The following ABCB1 variants were observed in gnomAD, a reference collection of about 807,000 sequenced individuals.
ABCB1 encodes ATP binding cassette subfamily B member 1.
A neutral mutation model predicts 142.0 loss-of-function variants in ABCB1; 69 were observed. The ratio of observed to expected loss-of-function variants is 0.49; its 90% confidence interval spans 0.40 to 0.59. The LOEUF (loss-of-function observed/expected upper bound fraction) is 0.59. ABCB1 is among the 20% of genes least tolerant of loss of function. The probability of loss-of-function intolerance (pLI) is 0.00; values close to 1 mark genes in which losing one functional copy is unlikely to be tolerated. For missense variants in ABCB1, 1,326 were observed against 1,554.7 expected (o/e 0.85, Z 2.47); for synonymous variants, 532 against 539.2 (o/e 0.99, Z 0.18).
chr7:87,628,866 G>C (rs545028126), intron 1 of ABCB1: 2 of 1,281,264 alleles, frequency 1.6e-6, no homozygotes, highest in South Asian at 3.7e-5. Context: ...GATCCGCGGC[G>C]GTGGCGGCGG....
intron 3 of ABCB1, among the ~76,000 whole-genome samples, chr7:87,594,109 A>T (rs1201173320): frequency 1.3e-5 from 2 of 152,168 alleles, no homozygotes; most frequent in Non-Finnish European, 2.9e-5. Context: ...AGTTACATTC[A>T]ATGTTTTCTA....
intron 1 of ABCB1, among the ~76,000 whole-genome samples, chr7:87,635,380 G>A (rs980826627): frequency 6.6e-6 from 1 of 152,108 alleles, no homozygotes; most frequent in Non-Finnish European, 1.5e-5. Context: ...CTTCTTTTTT[G>A]TGAAGACTTC....
chr7:87,665,319 TAAG>T (rs1164548326), intron 1 of ABCB1, among the ~76,000 whole-genome samples: 1 of 151,974 alleles, frequency 6.6e-6, no homozygotes, highest in Non-Finnish European at 1.5e-5. Flanking sequence ...AAATAGAAAT[TAAG>T]AAAACAGTTC....
intron 5 of ABCB1, among the ~76,000 whole-genome samples, chr7:87,567,254 T>C (rs974235488): frequency 6.6e-6 from 1 of 152,226 alleles, no homozygotes; most frequent in Non-Finnish European, 1.5e-5. Context: ...TTTCTAAGCC[T>C]CAGTTTTCTA....
chr7:87,638,345 T>TTGTGTGTGTGTGTGTG (rs71524692), intron 1 of ABCB1, among the ~76,000 whole-genome samples: 333 of 144,772 alleles, frequency 2.3e-3, no homozygotes, highest in East Asian at 7.8e-3. Context: ...AAGTATGTGT[T>TTGTGTGTGTGTGTGTG]TGTGTGTGTG....
intron 1 of ABCB1, chr7:87,629,267 A>G (rs1002262057): frequency 3.8e-6 from 1 of 265,026 alleles, no homozygotes; most frequent in Non-Finnish European, 7.1e-6. Flanking sequence ...GAGCTCTTTC[A>G]TTTAATGCCC....
chr7:87,511,973 G>T (rs1037446707), intron 25 of ABCB1, among the ~76,000 whole-genome samples: 3 of 152,088 alleles, frequency 2.0e-5, no homozygotes, highest in Middle Eastern at 3.2e-3. Flanking sequence ...AGCTTCAAGA[G>T]CCCTCAATTA....
rs181057372 is a variant in ABCB1, at chr7:87,593,408, C to A, written c.117+2358G>T. On this transcript the variant is annotated intron_variant, in intron 3 of 27. Coordinates refer to ENST00000622132, the MANE Select transcript of ABCB1 (RefSeq NM_001348946.2). ...TTTTGAATCTATTCCTTACTTCTTT[C>A]ATCACTTTTTTAAGATTGCTAAAAA... 3.5e-3 allele frequency among the ~76,000 whole-genome samples: 532 copies of A among 152,296 alleles called. 2 individuals carry two copies. Among genetic ancestry groups the A allele is most frequent in the Middle Eastern group, 6.8e-3 (2 of 294 alleles).
chr7:87,601,354 G>C (rs1232790252), upstream of ABCB1, among the ~76,000 whole-genome samples: 2 of 152,126 alleles, frequency 1.3e-5, no homozygotes, highest in Non-Finnish European at 2.9e-5. Context: ...GACAGTTTCT[G>C]AGTTACATCT....
chr7:87,513,581 T>G (rs1297957718), intron 25 of ABCB1, among the ~76,000 whole-genome samples: 1 of 152,204 alleles, frequency 6.6e-6, no homozygotes, highest in Non-Finnish European at 1.5e-5. Context: ...CAGAGAAGTT[T>G]GAGAACCACT....
In ABCB1 at chr7:87,512,354, G is replaced by A. The variant is rs147342007; in HGVS notation, c.3283-2873C>T. 3.2e-3 allele frequency among the ~76,000 whole-genome samples: 494 copies of A among 152,048 alleles called. 1 individual carries two copies. The highest frequency in any genetic ancestry group is 0.011 in the African/African-American group (449 of 41,490). On this transcript the variant is annotated intron_variant, in intron 25 of 27. Transcript: ENST00000622132. ...CAAATTTACCAGTTCAGTGGCTCTC[G>A]AATGATGGTTGGCATCAGAATCACC...
chr7:87,572,206 T>G (rs1178868236), intron 4 of ABCB1, among the ~76,000 whole-genome samples: 1 of 152,170 alleles, frequency 6.6e-6, no homozygotes, highest in Admixed American at 6.5e-5. Flanking sequence ...TATATAGTAT[T>G]AATTGTTGCC....
intron 1 of ABCB1, among the ~76,000 whole-genome samples, chr7:87,711,431 A>T (rs1830075761): frequency 6.6e-6 from 1 of 151,786 alleles, no homozygotes; most frequent in African/African-American, 2.4e-5. Flanking sequence ...TTTTTCTTGG[A>T]TTGTATAAAG....
intron 21 of ABCB1, among the ~76,000 whole-genome samples, chr7:87,526,479 G>A (rs991559793): frequency 5.7e-4 from 87 of 151,522 alleles, no homozygotes; most frequent in African/African-American, 2.1e-3. Flanking sequence ...TCAGGAGTTC[G>A]AGACCAGCCC....
rs948836677 is a variant in ABCB1, at chr7:87,684,677, G to A, written c.-331+28484C>T. On this transcript the variant is annotated intron_variant, in intron 1 of 28. Transcript: ENST00000265724. Reference sequence around the variant, plus strand: ...GCAGGAGGATTGCTTGAACCCAGGAGGCAGAGATTGCAGTGAGTCGAGATC... The same window carrying A: ...GCAGGAGGATTGCTTGAACCCAGGAAGCAGAGATTGCAGTGAGTCGAGATC... 2.1e-5 allele frequency among the ~76,000 whole-genome samples: 3 copies of A among 145,368 alleles called. No individual in the cohort carries two copies. In the Admixed American group the frequency reaches 2.1e-4, roughly 10 times the overall value.
chr7:87,570,058 T>C (rs1563057268), intron 5 of ABCB1, 114 bp downstream of exon 5: 3 of 922,968 alleles, frequency 3.3e-6, no homozygotes, highest in Non-Finnish European at 5.3e-6. Context: ...CTAAAAACTA[T>C]CAAGAGTATT....
chr7:87,514,484 C>T (rs889704842), intron 25 of ABCB1, among the ~76,000 whole-genome samples: 4 of 152,122 alleles, frequency 2.6e-5, no homozygotes, highest in Non-Finnish European at 5.9e-5. Context: ...TTTACATTTC[C>T]CAAATTTGTT....
In ABCB1 at chr7:87,539,359, C is replaced by T; in HGVS notation, c.2320-14G>A. ...AAATGTGAAACCCTGTGGGCAGGAACATACCTTGTCAGGGACCCAGCCACC... is the reference window on the plus strand; with the variant it reads ...AAATGTGAAACCCTGTGGGCAGGAATATACCTTGTCAGGGACCCAGCCACC... On this transcript the variant is annotated splice_polypyrimidine_tract_variant and intron_variant, in intron 18 of 27. Transcript: ENST00000622132. 1.2e-6 allele frequency: 2 copies of T among 1,613,218 alleles called. No individual in the cohort carries two copies. Among genetic ancestry groups the T allele is most frequent in the Non-Finnish European group, 1.7e-6 (2 of 1,179,192 alleles).
intron 1 of ABCB1, among the ~76,000 whole-genome samples, chr7:87,698,313 G>C (rs1031154628): frequency 3.3e-5 from 5 of 152,094 alleles, no homozygotes; most frequent in Non-Finnish European, 5.9e-5. Flanking sequence ...TGTTAGCCAG[G>C]ATGGTCTCCT....
Sources: allele counts gnomAD v4.1 joint callset (sites outside exome capture counted in the v4.1 genomes callset), GRCh38; gene constraint gnomAD v4.1.1; transcripts MANE v1.5; gene names NCBI Gene and HGNC (gene_info 2026-07-23, HGNC 2026-07-21).